The following ADORA2B variants were observed in gnomAD, a reference collection of about 807,000 sequenced individuals.
ADORA2B encodes the protein adenosine receptor A2b.
ADORA2B carries 18 observed loss-of-function variants against 20.8 expected under a neutral mutation model. The ratio of observed to expected loss-of-function variants is 0.87; its 90% CI spans 0.60 to 1.29. The LOEUF (loss-of-function observed/expected upper bound fraction) is 1.29, where lower values mean the gene tolerates loss of function less well. Ranked by LOEUF, ADORA2B falls within the 50% of genes most tolerant of loss-of-function variation. The pLI is 0.00. For synonymous variants in ADORA2B, 179 were observed against 178.3 expected, an observed-to-expected ratio of 1.00 and a Z score of -0.03; for missense variants, 441 against 422.7, an observed-to-expected ratio of 1.04 and a Z score of -0.38.
At chr17:15,883,024 A>AT in the ADORA2B span, among the ~76,000 whole-genome samples, 48,405 of 152,090 alleles carry the variant, frequency 0.32, 8,214 homozygotes, top group African/African-American at 0.43. Context: ...TGCACTGAGC[A>AT]TTTTTTCCAT....
intron 1 of ADORA2B, among the ~76,000 whole-genome samples, chr17:15,968,092 G>A (rs1426511207): frequency 1.3e-5 from 2 of 152,214 alleles, no homozygotes; most frequent in South Asian, 2.1e-4. Context: ...CAGAAAGACA[G>A]AGGAAGATAT....
intron 1 of ADORA2B, among the ~76,000 whole-genome samples, chr17:15,948,787 A>C (rs1027133094): frequency 6.6e-6 from 1 of 152,106 alleles, no homozygotes; most frequent in Non-Finnish European, 1.5e-5. Flanking sequence ...CTCTTGCCAC[A>C]TTGAGGCTTT....
At chr17:15,859,881 A>G in the ADORA2B span, among the ~76,000 whole-genome samples, 1 of 152,234 alleles carries the variant, frequency 6.6e-6, no homozygotes, top group Non-Finnish European at 1.5e-5. Context: ...CCTTGAAAGA[A>G]TTAAGGGAGG....
chr17:15,969,998 C>T (rs1156710110), intron 1 of ADORA2B, among the ~76,000 whole-genome samples: 3 of 152,256 alleles, frequency 2.0e-5, no homozygotes, highest in African/African-American at 7.2e-5. Flanking sequence ...TTTCTCACTC[C>T]TCAACCTTTA....
the ADORA2B span, among the ~76,000 whole-genome samples, chr17:15,933,192 T>A: frequency 6.6e-6 from 1 of 152,198 alleles, no homozygotes; most frequent in Non-Finnish European, 1.5e-5. Flanking sequence ...CCTGACCTTG[T>A]GATCCGCCCG....
At chr17:15,888,756 A>G in the ADORA2B span, among the ~76,000 whole-genome samples, 2 of 91,746 alleles carry the variant, frequency 2.2e-5, no homozygotes, top group Admixed American at 2.4e-4. Flanking sequence ...AATTACTAGA[A>G]CTCTTATTTA....
At chr17:15,901,921 C>T in the ADORA2B span, among the ~76,000 whole-genome samples, 1 of 152,064 alleles carries the variant, frequency 6.6e-6, no homozygotes, top group African/African-American at 2.4e-5. Flanking sequence ...GTTTACAGTT[C>T]AGTGGTATTG....
chr17:15,863,904 A>G, the ADORA2B span, among the ~76,000 whole-genome samples: 5 of 152,374 alleles, frequency 3.3e-5, no homozygotes, highest in East Asian at 9.6e-4. Context: ...GACATCAAAT[A>G]CATTATTAAT....
chr17:15,945,736 C>T (rs963435975), intron 1 of ADORA2B, among the ~76,000 whole-genome samples, 153 bp downstream of exon 1: 2 of 152,304 alleles, frequency 1.3e-5, no homozygotes, highest in South Asian at 2.1e-4. Context: ...GCCTGGCCAC[C>T]CCGCAACGCT....
the ADORA2B span, among the ~76,000 whole-genome samples, chr17:15,897,114 C>G: frequency 6.6e-6 from 1 of 152,032 alleles, no homozygotes; most frequent in African/African-American, 2.4e-5. Context: ...GGAGTGGAAA[C>G]AATATTTGAA....
the ADORA2B span, among the ~76,000 whole-genome samples, chr17:15,899,592 CTT>C: frequency 6.6e-6 from 1 of 152,276 alleles, no homozygotes; most frequent in African/African-American, 2.4e-5. Context: ...CCTTGCCTCT[CTT>C]CTTCCATTCC....
At chr17:15,956,026 T>C (rs886975347) in intron 1 of ADORA2B, among the ~76,000 whole-genome samples, 2 of 152,300 alleles carry the variant, frequency 1.3e-5, no homozygotes, top group African/African-American at 4.8e-5. Flanking sequence ...GGATTCTTAA[T>C]AGGCAGATGG....
the ADORA2B span, among the ~76,000 whole-genome samples, chr17:15,934,245 T>C: frequency 6.6e-6 from 1 of 152,210 alleles, no homozygotes; most frequent in Admixed American, 6.5e-5. Flanking sequence ...TTTTATTTTT[T>C]TGAGATGGAG....
At chr17:15,900,641 A>G in the ADORA2B span, among the ~76,000 whole-genome samples, 1 of 151,912 alleles carries the variant, frequency 6.6e-6, no homozygotes, top group Non-Finnish European at 1.5e-5. Context: ...GTAGTGATGC[A>G]TTCTCAACAT....
chr17:15,885,369 T>G, the ADORA2B span, among the ~76,000 whole-genome samples: 5 of 152,164 alleles, frequency 3.3e-5, no homozygotes, highest in African/African-American at 1.2e-4. Context: ...GACAGAAGGT[T>G]GTAAAATAAA....
At chr17:15,908,491 G>A in the ADORA2B span, 464 of 157,020 alleles carry the variant, frequency 3.0e-3, no homozygotes, top group African/African-American at 0.01. Flanking sequence ...GAGGGGAAGG[G>A]TCTGTAATGT....
At chr17:15,891,351 G>T in the ADORA2B span, among the ~76,000 whole-genome samples, 1 of 152,260 alleles carries the variant, frequency 6.6e-6, no homozygotes, top group Non-Finnish European at 1.5e-5. Flanking sequence ...TGAGTGCACA[G>T]CAGGGAAGGA....
chr17:15,915,418 T>A, the ADORA2B span, among the ~76,000 whole-genome samples: 24 of 152,228 alleles, frequency 1.6e-4, 1 homozygote, highest in Admixed American at 1.6e-3. Context: ...ATTTACAGGT[T>A]CCAGGGACTC....
chr17:15,935,906 G>A, the ADORA2B span, among the ~76,000 whole-genome samples: 5,999 of 141,238 alleles, frequency 0.042, 431 homozygotes, highest in African/African-American at 0.15. Flanking sequence ...TCGCTCTGTC[G>A]CCCAGGCTGG....
Sources: gnomAD v4.1 joint callset for allele counts (sites outside exome capture counted in the v4.1 genomes callset) on GRCh38, gnomAD v4.1.1 for gene constraint, MANE v1.5 for transcripts, NCBI Gene and HGNC (gene_info 2026-07-23, HGNC 2026-07-21) for gene names.